WNT9B: variants seen among roughly 807,000 people sequenced by gnomAD.
WNT9B encodes the protein protein Wnt-9b.
In WNT9B, 12 loss-of-function variants were observed where a neutral mutation model predicts 30.2. The ratio of observed to expected loss-of-function variants is 0.40; its 90% confidence interval spans 0.26 to 0.64. WNT9B has a LOEUF of 0.64. WNT9B is among the 30% of genes least tolerant of loss of function. WNT9B has a pLI of 0.42. For missense variants in WNT9B, 442 were observed against 485.2 expected (o/e 0.91, Z 0.84); for synonymous variants, 218 against 216.9 (o/e 1.01, Z -0.05).
At chr17:46,885,328 A>C (rs2085476783), downstream of WNT9B, 1 of 224,484 alleles carries the variant, frequency 4.5e-6, no homozygotes, top group African/African-American at 2.7e-5. Flanking sequence ...TTTGAGACAG[A>C]GTCTCGCTCT....
chr17:46,844,762 T>A (rs1410160071), intron 1 of WNT9B, among the ~76,000 whole-genome samples: 2 of 152,196 alleles, frequency 1.3e-5, no homozygotes, highest in East Asian at 3.8e-4. Context: ...ATGGCATATT[T>A]TTAAACTTCT....
In WNT9B at chr17:46,851,759, T is replaced by A; in HGVS notation, c.77+44T>A. 1 of 1,045,102 alleles carries A rather than the reference T, an allele frequency of 9.6e-7. No homozygotes were observed. The highest frequency in any genetic ancestry group is 1.2e-6 in the Non-Finnish European group (1 of 810,668). 64.7% of individuals were successfully genotyped at this position (1,045,102 alleles called of 1,614,324 possible). A position where few individuals can be genotyped will look rare whatever the true frequency, so the allele number is the denominator to read the frequency against. ...CCCCGCCCGCTCCCCGGCCTGCCTG[T>A]CTCTCCCTCCTGCGCTACAGCTGGG... On this transcript the variant is annotated intron_variant, in intron 1 of 3. Coordinates refer to ENST00000290015, the MANE Select transcript of WNT9B (RefSeq NM_003396.3). This position sits in a 1 kb window ranked among gnomAD's most constrained non-coding sequence, Gnocchi z 4.3.
rs117972040 is a variant in WNT9B at position 46,875,360 on chromosome 17, C to T, written c.594C>T (p.Gly198=). The T allele has an allele frequency of 5.9e-4, 945 of 1,600,492 alleles. 3 individuals carry two copies. Among genetic ancestry groups the T allele is most frequent in the South Asian group, 2.2e-3 (197 of 89,446 alleles). ...ARADAHNTHV[G]IKAVKSGLRT... ...CAGACGCCCACAATACCCACGTGGG[C>T]ATCAAGGTGAGCATGTCCCTGGCTG... Residue 198 remains glycine, a synonymous_variant, in exon 3 of 4, where the codon GGC becomes GGT. Coordinates refer to ENST00000290015, the MANE Select transcript of WNT9B (RefSeq NM_003396.3).
Position 46,875,321 on chromosome 17 carries a change from C to G in WNT9B, c.555C>G (p.Asp185Glu). The change falls in exon 3 of 4, where the codon GAC becomes GAG. Residue 185 changes from aspartate to glutamate, a missense_variant. Transcript: ENST00000290015. ...TGGGGTCCAAGAGAGGAAACAAGGA[C>G]CTGCGGGCACGGGCAGACGCCCACA... ...NFLGSKRGNK[D>E]LRARADAHNT... 1 of 1,613,160 alleles carries G rather than the reference C, an allele frequency of 6.2e-7. No individual in the cohort carries two copies. Among genetic ancestry groups the G allele is most frequent in the Non-Finnish European group, 8.5e-7 (1 of 1,179,284 alleles).
At chr17:46,864,051 G>T (rs535217187) in intron 1 of WNT9B, among the ~76,000 whole-genome samples, 4 of 152,322 alleles carry the variant, frequency 2.6e-5, no homozygotes, top group South Asian at 2.1e-4. Flanking sequence ...TCATTGAGGG[G>T]GTCACGCACA....
intron 1 of WNT9B, among the ~76,000 whole-genome samples, chr17:46,854,068 A>G (rs58388003): frequency 0.2 from 29,943 of 152,124 alleles, 3,620 homozygotes; most frequent in East Asian, 0.51. Context: ...AAGAGCTGAC[A>G]AAAGACACAA....
Position 46,845,457 on chromosome 17 carries a change from T to A in WNT9B, c.95+12017T>A, listed in dbSNP as rs549159644. ...GTCACCTGACATACATGAGTCGACT[T>A]ACAGGGACAATGGAGTGAGTTATCT... On this transcript the variant is annotated intron_variant, in intron 1 of 2. Coordinates refer to the WNT9B transcript ENST00000575372. Among the ~76,000 whole-genome samples, 11 of 151,702 alleles carry A rather than the reference T, an allele frequency of 7.3e-5. No individual in the cohort carries two copies. In the South Asian group the frequency reaches 2.1e-3, roughly 29 times the overall value.
intron 1 of WNT9B, among the ~76,000 whole-genome samples, chr17:46,867,517 A>C (rs1207413237): frequency 6.6e-6 from 1 of 152,246 alleles, no homozygotes; most frequent in Non-Finnish European, 1.5e-5. Flanking sequence ...TTGGGGCATG[A>C]GATCCTTGGG....
At position 46,872,618 on chromosome 17, in the gene WNT9B, T is replaced by A. The variant is rs1368052360; in HGVS notation, c.179T>A (p.Leu60Gln). Residue 60 changes from leucine (L) to glutamine (Q), a missense_variant, in exon 2 of 4, where the codon CTG becomes CAG. Physicochemically the swap from Leu to Gln is moderately radical, Grantham distance 113. Coordinates refer to ENST00000290015, the MANE Select transcript of WNT9B (RefSeq NM_003396.3). Reference protein sequence around the residue: ...AHLKQCDLLKLSRRQKQLCRR... With the variant: ...AHLKQCDLLKQSRRQKQLCRR... ...CTGAAGCAGTGTGACCTGCTGAAGC[T>A]GTCCCGGCGGCAGAAGCAGCTCTGC... is the stretch of plus-strand genomic sequence containing the variant. 1 of 1,613,290 alleles carries A rather than the reference T, an allele frequency of 6.2e-7. No individual in the cohort carries two copies. The highest frequency in any genetic ancestry group is 2.2e-5 in the East Asian group (1 of 44,866).
intron 1 of WNT9B, among the ~76,000 whole-genome samples, chr17:46,839,887 T>C (rs1598825837): frequency 6.6e-6 from 1 of 152,296 alleles, no homozygotes; most frequent in Non-Finnish European, 1.5e-5. Context: ...TAGTAGTCCA[T>C]GGTGTATATG....
upstream of WNT9B, among the ~76,000 whole-genome samples, chr17:46,848,001 T>G (rs1003226290): frequency 7.0e-6 from 1 of 142,712 alleles, no homozygotes; most frequent in Non-Finnish European, 1.6e-5. Flanking sequence ...TGTGTGCACG[T>G]GCATGTGTGC....
rs2085377323 is a variant in WNT9B at position 46,878,344 on chromosome 17, G to A, written c.*1626G>A. Among the ~76,000 whole-genome samples, 1 of 152,204 alleles carries A rather than the reference G, an allele frequency of 6.6e-6. No individual in the cohort carries two copies. The highest frequency in any genetic ancestry group is 6.5e-5 in the Admixed American group (1 of 15,290). On this transcript the variant is annotated 3_prime_UTR_variant, in exon 4 of 4. Transcript: ENST00000290015. ...CGCCTGTGCCAGCTCCAGGACAAAG[G>A]CCCGCTGACTGTGCCCTGGCCAACT...
intron 1 of WNT9B, among the ~76,000 whole-genome samples, chr17:46,866,808 G>C (rs977494729): frequency 2.6e-5 from 4 of 152,092 alleles, no homozygotes; most frequent in African/African-American, 9.7e-5. Flanking sequence ...CACATCCTGG[G>C]GATAGCCTCT....
intron 3 of WNT9B, among the ~76,000 whole-genome samples, 175 bp from the exon 4 acceptor site, chr17:46,876,070 C>A (rs2085339885): frequency 6.6e-6 from 1 of 152,148 alleles, no homozygotes; most frequent in Non-Finnish European, 1.5e-5. Context: ...TGTGTTCAGT[C>A]GCGTAAGTTG....
At chr17:46,844,967 C>T (rs539808479) in intron 1 of WNT9B, among the ~76,000 whole-genome samples, 1 of 152,276 alleles carries the variant, frequency 6.6e-6, no homozygotes, top group South Asian at 2.1e-4. Flanking sequence ...CCTGCCTCAG[C>T]CTTCTAAGTA....
intron 1 of WNT9B, among the ~76,000 whole-genome samples, chr17:46,835,145 C>T (rs946503532): frequency 6.6e-6 from 1 of 152,148 alleles, no homozygotes; most frequent in Admixed American, 6.5e-5. Flanking sequence ...CAGGAACACA[C>T]CACCACACCT....
chr17:46,869,585 G>C (rs1298524952), intron 1 of WNT9B, among the ~76,000 whole-genome samples: 1 of 152,224 alleles, frequency 6.6e-6, no homozygotes, highest in Non-Finnish European at 1.5e-5. Flanking sequence ...TGGCTCCCAA[G>C]TGCAGCCTAG....
intron 1 of WNT9B, among the ~76,000 whole-genome samples, chr17:46,858,132 G>T (rs2084970108): frequency 6.6e-6 from 1 of 152,186 alleles, no homozygotes; most frequent in Non-Finnish European, 1.5e-5. Context: ...GTTTCATCAT[G>T]TTGGCCTGGC....
At chr17:46,886,330 A>G (rs778037577) in exon 5 of WNT9B, 4 of 152,262 alleles carry the variant, frequency 2.6e-5, no homozygotes, top group Non-Finnish European at 4.4e-5. Flanking sequence ...AGAAGACATC[A>G]AAGATGCATA....
Sources: allele counts gnomAD v4.1 joint callset (sites outside exome capture counted in the v4.1 genomes callset), GRCh38; gene constraint gnomAD v4.1.1; non-coding constraint Gnocchi (gnomAD v3.1); transcripts MANE v1.5; gene names NCBI Gene and HGNC (gene_info 2026-07-23, HGNC 2026-07-21).